CUBN: variants seen among roughly 807,000 people sequenced by gnomAD.
CUBN encodes the protein 460 kDa receptor.
Under a neutral mutation model 405.3 loss-of-function variants are expected in CUBN, and 282 were observed. That is an observed-to-expected ratio of 0.70 (90% CI 0.63 to 0.77). The LOEUF is 0.77. Among genes scored for constraint, CUBN ranks in the 30% least tolerant of loss-of-function variants. The pLI is 0.00. For missense variants in CUBN, 4,514 were observed against 4,475.2 expected, an observed-to-expected ratio of 1.01 and a Z score of -0.25; for synonymous variants, 1,684 against 1,617.0, an observed-to-expected ratio of 1.04 and a Z score of -0.99.
In CUBN at chr10:16,890,477, A is replaced by G; in HGVS notation, c.8649T>C (p.Cys2883=). ...EVDKALLATG[C]GNVAPGPVIT... is the part of the protein sequence containing the mutation. Reference sequence around the variant, plus strand: ...TAACGGGACCCGGAGCCACGTTCCCACAGCCAGTGGCTAGCAGGGCTTTGT... The same window carrying G: ...TAACGGGACCCGGAGCCACGTTCCCGCAGCCAGTGGCTAGCAGGGCTTTGT... Residue 2883 remains cysteine, a synonymous_variant, in exon 55 of 67, where the codon TGT becomes TGC. Transcript: ENST00000377833. 6.2e-7 allele frequency: 1 copy of G among 1,614,178 alleles called. No homozygotes were observed. The highest frequency in any genetic ancestry group is 8.5e-7 in the Non-Finnish European group (1 of 1,180,022).
chr10:16,859,191 T>C (rs1167248411), intron 59 of CUBN, among the ~76,000 whole-genome samples: 2 of 152,058 alleles, frequency 1.3e-5, no homozygotes, highest in East Asian at 1.9e-4. Context: ...AAAGGCAAGA[T>C]ATAGACTGGG....
At chr10:17,113,988 C>T in intron 8 of CUBN, 39 bp downstream of exon 8, 1 of 1,604,182 alleles carries the variant, frequency 6.2e-7, no homozygotes, top group Non-Finnish European at 8.5e-7. Context: ...CCTCGCCAAC[C>T]TGGCATGCAG....
chr10:16,907,163 A>C (rs2131437620), intron 49 of CUBN, among the ~76,000 whole-genome samples: 1 of 152,236 alleles, frequency 6.6e-6, no homozygotes, highest in East Asian at 1.9e-4. Context: ...TCTGAGACTA[A>C]GTTACCCTCT....
chr10:16,911,329 A>T (rs897283812), intron 48 of CUBN, among the ~76,000 whole-genome samples: 3 of 152,232 alleles, frequency 2.0e-5, no homozygotes, highest in Admixed American at 6.5e-5. Context: ...TTTAAGCAAA[A>T]GCGTGACATA....
chr10:17,085,659 T>C lies in CUBN; in HGVS notation c.2048A>G (p.His683Arg). 6.2e-7 allele frequency: 1 copy of C among 1,614,086 alleles called. No individual in the cohort carries two copies. The highest frequency in any genetic ancestry group is 1.7e-5 in the Admixed American group (1 of 60,018). Residue 683 changes from histidine (H) to arginine (R), a missense_variant, in exon 16 of 67, where the codon CAC becomes CGC. His to Arg is a conservative substitution (Grantham distance 29). Around this residue, in one of 5 missense-constraint regions of CUBN, gnomAD observed 1,448 missense variants for 1,388.0 expected, o/e 1.04. Transcript: ENST00000377833. ...LQTTGPFARIHFHSDSQISDQ... is the reference protein window; with the variant it reads ...LQTTGPFARIRFHSDSQISDQ... ...ACTAATCTGGGAGTCTGAATGGAAG[T>C]GAATTCTGGCAAAGGGGCCAGTAGT...
chr10:17,049,200 T>C (rs1835205414), intron 22 of CUBN, among the ~76,000 whole-genome samples: 1 of 152,088 alleles, frequency 6.6e-6, no homozygotes, highest in Non-Finnish European at 1.5e-5. Context: ...ATAGCATTGG[T>C]CTATTAATAT....
chr10:16,906,546 G>A (rs1841562817), intron 49 of CUBN, 137 bp from the exon 50 acceptor site: 1 of 696,516 alleles, frequency 1.4e-6, no homozygotes, highest in South Asian at 1.7e-5. Flanking sequence ...TCAAGCTTAT[G>A]GGTAAAAGGC....
At chr10:16,846,025 T>TA (rs11408135) in intron 60 of CUBN, among the ~76,000 whole-genome samples, 1,699 of 151,922 alleles carry the variant, frequency 0.011, 22 homozygotes, top group African/African-American at 0.038. Flanking sequence ...GACATTTGTG[T>TA]AAAAAAAAAC....
At chr10:17,012,954 A>G (rs1834224900) in intron 28 of CUBN, among the ~76,000 whole-genome samples, 1 of 152,150 alleles carries the variant, frequency 6.6e-6, no homozygotes, top group South Asian at 2.1e-4. Context: ...CCCTGTTAGG[A>G]AACTTGCTGG....
intron 31 of CUBN, among the ~76,000 whole-genome samples, chr10:16,959,319 A>G: frequency 6.6e-6 from 1 of 152,312 alleles, no homozygotes; most frequent in East Asian, 1.9e-4. Context: ...AGTGTTTTTA[A>G]CACTTATAAT....
chr10:16,995,700 T>C (rs1278372717), intron 28 of CUBN, among the ~76,000 whole-genome samples: 3 of 152,200 alleles, frequency 2.0e-5, no homozygotes, highest in Non-Finnish European at 4.4e-5. Flanking sequence ...GAGGAATTAC[T>C]GGTTAAAAAG....
intron 59 of CUBN, among the ~76,000 whole-genome samples, chr10:16,860,669 C>A (rs899679925): frequency 6.6e-6 from 1 of 152,186 alleles, no homozygotes; most frequent in Non-Finnish European, 1.5e-5. Flanking sequence ...ATAGTGGTGT[C>A]ACAAGACATT....
At chr10:16,972,470 T>C (rs1017462982) in intron 31 of CUBN, among the ~76,000 whole-genome samples, 1 of 150,310 alleles carries the variant, frequency 6.7e-6, no homozygotes, top group Non-Finnish European at 1.5e-5. Flanking sequence ...AACAGGGTCA[T>C]GCTGTCACCC....
chr10:16,890,371 G>A lies in CUBN; in HGVS notation c.8755C>T (p.Arg2919Ter), dbSNP rs370038232. The change falls in exon 55 of 67, where the codon CGA becomes TGA. Residue 2919 changes from arginine (R) to a stop codon, truncating the protein, a stop_gained and splice_region_variant. Transcript: ENST00000377833. LOFTEE classifies it high-confidence loss of function. The stretch of plus-strand genomic sequence containing the variant: ...GGGTTTGGTTCTTAGGGCTACTTAC[G>A]GCTAACAAAGGACGCGGAGAAGCCC... ...AQGFSASFVS[R>*]CGSNFTGPSG... 2.0e-5 allele frequency: 32 copies of A among 1,612,454 alleles called. No homozygotes were observed. Among genetic ancestry groups the A allele is most frequent in the African/African-American group, 1.6e-4 (12 of 74,794 alleles).
intron 27 of CUBN, among the ~76,000 whole-genome samples, chr10:17,028,267 T>G (rs961924393): frequency 6.7e-6 from 1 of 149,390 alleles, no homozygotes; most frequent in African/African-American, 2.5e-5. Context: ...TTATTATGCC[T>G]CTTAAAATTC....
chr10:16,947,220 T>TA lies in CUBN; in HGVS notation c.5342+14dup, dbSNP rs1235631215. On this transcript the variant is annotated intron_variant, in intron 36 of 66. Transcript: ENST00000377833. The stretch of plus-strand genomic sequence containing the variant: ...TCATTAGCACTGAAACAATACACCA[T>TA]AAAAAAGGATTTACATAAAAGACAG... 1.2e-6 allele frequency: 2 copies of TA among 1,613,632 alleles called. No individual in the cohort carries two copies. The highest frequency in any genetic ancestry group is 2.2e-5 in the South Asian group (2 of 91,074).
At chr10:16,957,691 T>C (rs1453055279) in intron 31 of CUBN, among the ~76,000 whole-genome samples, 1 of 152,064 alleles carries the variant, frequency 6.6e-6, no homozygotes, top group Non-Finnish European at 1.5e-5. Flanking sequence ...AAATCAAAAA[T>C]AGAGCTACCA....
chr10:16,886,293 G>C (rs1840811977), intron 56 of CUBN, among the ~76,000 whole-genome samples: 1 of 152,160 alleles, frequency 6.6e-6, no homozygotes, highest in Non-Finnish European at 1.5e-5. Flanking sequence ...CCATTTATGA[G>C]TTCTGACATG....
rs141274853 is a variant in CUBN, at chr10:17,071,599, C to T, written c.2452G>A (p.Gly818Arg). 5.5e-5 allele frequency: 88 copies of T among 1,613,112 alleles called. No individual in the cohort carries two copies. Among genetic ancestry groups the T allele is most frequent in the Non-Finnish European group, 7.2e-5 (85 of 1,179,750 alleles). ...SFRAVYQVAC[G>R]DELTGEGVIR... Reference sequence around the variant, plus strand: ...ACCCCTTCTCCAGTTAATTCATCCCCGCAAGCTGTAAGCATAAAAATTATA... The same window carrying T: ...ACCCCTTCTCCAGTTAATTCATCCCTGCAAGCTGTAAGCATAAAAATTATA... Residue 818 changes from glycine to arginine, a missense_variant, in exon 19 of 67, where the codon GGG (glycine) becomes AGG (arginine). By Grantham distance (125) the Gly-to-Arg change is moderately radical. This residue lies in a region of CUBN where 1,448 missense variants were observed against 1,388.0 expected (regional missense o/e 1.04). Transcript: ENST00000377833.
Sources: gnomAD v4.1 joint callset for allele counts (sites outside exome capture counted in the v4.1 genomes callset) on GRCh38, gnomAD v4.1.1 for gene constraint, gnomAD v4.1.1 regional missense constraint, MANE v1.5 for transcripts, NCBI Gene and HGNC (gene_info 2026-07-23, HGNC 2026-07-21) for gene names.